Variants in ITPK1 observed in about 807,000 individuals in gnomAD.
ITPK1 encodes the protein inositol-tetrakisphosphate 1-kinase.
In ITPK1, 21 loss-of-function variants were observed where a neutral mutation model predicts 45.3. That is an observed-to-expected ratio of 0.46 (90% CI 0.33 to 0.67). ITPK1 has a LOEUF of 0.67. Among genes scored for constraint, ITPK1 ranks in the 30% least tolerant of loss-of-function variants. ITPK1 has a pLI of 0.02. For missense variants in ITPK1, 474 were observed against 573.5 expected (o/e 0.83, Z 1.77); for synonymous variants, 258 against 253.6 (o/e 1.02, Z -0.16).
chr14:92,980,145 C>T (rs1336997331), intron 5 of ITPK1, among the ~76,000 whole-genome samples: 1 of 152,148 alleles, frequency 6.6e-6, no homozygotes, highest in Non-Finnish European at 1.5e-5. Context: ...GCACTGAGGC[C>T]TGGATCATCT....
intron 7 of ITPK1, among the ~76,000 whole-genome samples, chr14:92,959,160 C>T (rs1471035986): frequency 6.6e-6 from 1 of 152,172 alleles, no homozygotes; most frequent in Non-Finnish European, 1.5e-5. Context: ...GGGCAGCTGC[C>T]AAAACCCTCT....
intron 4 of ITPK1, among the ~76,000 whole-genome samples, chr14:92,999,948 T>C (rs1239051248): frequency 6.6e-6 from 1 of 152,240 alleles, no homozygotes; most frequent in Non-Finnish European, 1.5e-5. Flanking sequence ...ATCTACTTTC[T>C]GTCTGGGTAG....
Position 93,014,662 on chromosome 14 carries a change from G to A in ITPK1, c.246+2014C>T, listed in dbSNP as rs2139851184. Among the ~76,000 whole-genome samples the A allele has an allele frequency of 6.6e-6, 1 of 152,350 alleles. No individual in the cohort carries two copies. Among genetic ancestry groups the A allele is most frequent in the African/African-American group, 2.4e-5 (1 of 41,572 alleles). ...CAAGTCCTCCGCCTCATCCATCTCT[G>A]GAGAGGCCACACGACAGGTGAGGAG... On this transcript the variant is annotated intron_variant, in intron 4 of 10. Coordinates refer to ENST00000267615, the MANE Select transcript of ITPK1 (RefSeq NM_014216.6). The surrounding 1 kb of genome is among the most constrained non-coding windows in gnomAD (Gnocchi z 4.4).
At position 92,940,962 on chromosome 14, in the gene ITPK1, G is replaced by T. The variant is rs189306468; in HGVS notation, c.*599C>A. 9.3e-4 allele frequency: 1,196 copies of T among 1,286,454 alleles called. 9 individuals are homozygous for T. The African/African-American group carries it at 0.016, about 17-fold the overall frequency. The allele number at this position is 1,286,454 out of a possible 1,614,324, so 79.7% of individuals were successfully genotyped here. A position where few individuals can be genotyped will look rare whatever the true frequency, so the allele number is the denominator to read the frequency against. ...GAGGGAGCACAGCCCAGACCCCAGCGCGGAACTCCCCTGAGGGGTCTGTGG... is the reference window on the plus strand; with the variant it reads ...GAGGGAGCACAGCCCAGACCCCAGCTCGGAACTCCCCTGAGGGGTCTGTGG... On this transcript the variant is annotated 3_prime_UTR_variant, in exon 11 of 11. Transcript: ENST00000267615.
At chr14:92,953,182 G>A (rs1277603984) in intron 8 of ITPK1, among the ~76,000 whole-genome samples, 6 of 152,238 alleles carry the variant, frequency 3.9e-5, no homozygotes, top group Admixed American at 6.5e-5. Flanking sequence ...TCACAGCGCC[G>A]CAACAATTAT....
intron 5 of ITPK1, among the ~76,000 whole-genome samples, chr14:92,963,455 C>G (rs1356703825): frequency 6.6e-6 from 1 of 152,226 alleles, no homozygotes; most frequent in Non-Finnish European, 1.5e-5. Context: ...CACATGGACA[C>G]TGCCTGACCC....
intron 5 of ITPK1, among the ~76,000 whole-genome samples, chr14:92,970,666 C>T (rs1470207604): frequency 2.0e-5 from 3 of 150,602 alleles, no homozygotes; most frequent in African/African-American, 7.4e-5. Flanking sequence ...GACGGAGTCT[C>T]GCTCTGTCGC....
At position 92,939,318 on chromosome 14, in the gene ITPK1, C is replaced by T. The variant is rs1887241615; in HGVS notation, c.*2243G>A. Reference sequence around the variant, plus strand: ...GGGAGACAACTCTATGGACACTGTCCAGGGATCAAAGATGGTCAGCGTGCA... The same window carrying T: ...GGGAGACAACTCTATGGACACTGTCTAGGGATCAAAGATGGTCAGCGTGCA... On this transcript the variant is annotated 3_prime_UTR_variant, in exon 11 of 11. Transcript: ENST00000267615. 1 of 152,274 alleles carries T rather than the reference C, an allele frequency of 6.6e-6. No homozygotes were observed. The highest frequency in any genetic ancestry group is 2.4e-5 in the African/African-American group (1 of 41,444). 9.4% of individuals were successfully genotyped at this position (152,274 alleles called of 1,614,324 possible). A position where few individuals can be genotyped will look rare whatever the true frequency, so the allele number is the denominator to read the frequency against.
intron 3 of ITPK1, among the ~76,000 whole-genome samples, chr14:93,074,873 C>A (rs1406758908): frequency 6.6e-6 from 1 of 152,122 alleles, no homozygotes; most frequent in Non-Finnish European, 1.5e-5. Flanking sequence ...CCCTGGCAGG[C>A]ACTACAGATC....
Position 92,938,834 on chromosome 14 carries a change from C to A in ITPK1, c.*2727G>T. 1.9e-6 allele frequency: 1 copy of A among 515,960 alleles called. No homozygotes were observed. The highest frequency in any genetic ancestry group is 3.5e-6 in the Non-Finnish European group (1 of 288,270). 32.0% of individuals were successfully genotyped at this position (515,960 alleles called of 1,614,324 possible). On this transcript the variant is annotated 3_prime_UTR_variant, in exon 11 of 11. Transcript: ENST00000267615. ...TTGCAGAATCACATCACCATATAATCAAAGCACTGTCAGGCAGAACTTGAC... is the reference window on the plus strand; with the variant it reads ...TTGCAGAATCACATCACCATATAATAAAAGCACTGTCAGGCAGAACTTGAC...
intron 2 of ITPK1, among the ~76,000 whole-genome samples, chr14:93,096,679 G>A (rs940965597): frequency 1.3e-5 from 2 of 152,174 alleles, no homozygotes; most frequent in Admixed American, 1.3e-4. Context: ...CAGATTCACC[G>A]CTGGTTTCCC....
At chr14:92,979,127 T>C (rs1264095961) in intron 5 of ITPK1, among the ~76,000 whole-genome samples, 2 of 152,236 alleles carry the variant, frequency 1.3e-5, no homozygotes, top group African/African-American at 4.8e-5. Flanking sequence ...GACATTATTT[T>C]GGAGCTTTAA....
At position 92,940,585 on chromosome 14, in the gene ITPK1, C is replaced by A. The variant is rs1051475000; in HGVS notation, c.*976G>T. ...CCACTGGGAAGAGGGCCCCGATCTC[C>A]ATGGTGTCATGCCGAGGCTCCCGCG... On this transcript the variant is annotated 3_prime_UTR_variant, in exon 11 of 11. Coordinates refer to ENST00000267615, the MANE Select transcript of ITPK1 (RefSeq NM_014216.6). The A allele has an allele frequency of 3.4e-6, 4 of 1,191,000 alleles. No individual in the cohort carries two copies. In the African/African-American group the frequency reaches 6.4e-5, roughly 19 times the overall value. 73.8% of individuals were successfully genotyped at this position (1,191,000 alleles called of 1,614,324 possible). A position where few individuals can be genotyped will look rare whatever the true frequency, so the allele number is the denominator to read the frequency against.
At chr14:93,097,430 C>T (rs896360778) in intron 2 of ITPK1, among the ~76,000 whole-genome samples, 3 of 152,274 alleles carry the variant, frequency 2.0e-5, no homozygotes, top group African/African-American at 7.2e-5. Flanking sequence ...CCAGCGCCTT[C>T]GGTTAGCCAA....
chr14:93,017,858 C>T (rs538652148), intron 3 of ITPK1, among the ~76,000 whole-genome samples: 2 of 152,252 alleles, frequency 1.3e-5, no homozygotes, highest in Non-Finnish European at 2.9e-5. Context: ...TCAAAGCTTG[C>T]GTGCATTTCT....
chr14:93,041,135 C>A (rs1231503349), intron 3 of ITPK1, among the ~76,000 whole-genome samples: 1 of 152,170 alleles, frequency 6.6e-6, no homozygotes, highest in Non-Finnish European at 1.5e-5. Flanking sequence ...GCGCTGTCCT[C>A]AACCATTTAC....
chr14:93,026,868 GA>G (rs34655787), intron 3 of ITPK1, among the ~76,000 whole-genome samples: 1 of 151,892 alleles, frequency 6.6e-6, no homozygotes, highest in African/African-American at 2.4e-5. Flanking sequence ...ATGGGGAGGG[GA>G]AAAAAGGGTT....
At chr14:93,022,876 CAG>C (rs1888542136) in intron 3 of ITPK1, among the ~76,000 whole-genome samples, 1 of 152,026 alleles carries the variant, frequency 6.6e-6, no homozygotes, top group Admixed American at 6.6e-5. Flanking sequence ...AAGAAAAAAA[CAG>C]TAACTGAGAT....
Position 92,940,615 on chromosome 14 carries a change from T to A in ITPK1, c.*946A>T. 8.2e-7 allele frequency: 1 copy of A among 1,216,272 alleles called. No homozygotes were observed. The highest frequency in any genetic ancestry group is 1.0e-6 in the Non-Finnish European group (1 of 953,476). The allele number at this position is 1,216,272 out of a possible 1,614,324, so 75.3% of individuals were successfully genotyped here. ...TGTCATGCCGAGGCTCCCGCGCCTATCCTCACCTAGGTGACTTTATGGAAA... is the reference window on the plus strand; with the variant it reads ...TGTCATGCCGAGGCTCCCGCGCCTAACCTCACCTAGGTGACTTTATGGAAA... On this transcript the variant is annotated 3_prime_UTR_variant, in exon 11 of 11. Transcript: ENST00000267615.
Sources: gnomAD v4.1 joint callset for allele counts (sites outside exome capture counted in the v4.1 genomes callset) on GRCh38, gnomAD v4.1.1 for gene constraint, Gnocchi (gnomAD v3.1) non-coding constraint, MANE v1.5 for transcripts, NCBI Gene and HGNC (gene_info 2026-07-23, HGNC 2026-07-21) for gene names.